BRWD1: variants seen among roughly 807,000 people sequenced by gnomAD.
BRWD1 encodes bromodomain and WD repeat domain containing 1, also known as bromodomain and WD repeat-containing protein 1.
Under a neutral mutation model 251.2 loss-of-function variants are expected in BRWD1, and 82 were observed. That is an observed-to-expected ratio of 0.33 (90% CI 0.27 to 0.39). BRWD1 has a LOEUF of 0.39. Ranked by LOEUF, BRWD1 falls within the 10% of genes least tolerant of loss-of-function variation. BRWD1 has a pLI of 1.00. For synonymous variants in BRWD1, 918 were observed against 902.8 expected (o/e 1.02, Z -0.30); for missense variants, 2,233 against 2,711.6 (o/e 0.82, Z 3.92).
At chr21:39,229,544 C>G (rs1191444998) in intron 25 of BRWD1, 108 bp from the exon 26 acceptor site, 4 of 1,055,778 alleles carry the variant, frequency 3.8e-6, no homozygotes, top group Non-Finnish European at 5.5e-6. Flanking sequence ...CTTCCAAACC[C>G]GCAGACAAGT....
At chr21:39,249,841 A>G (rs1338073215) in intron 20 of BRWD1, among the ~76,000 whole-genome samples, 1 of 152,100 alleles carries the variant, frequency 6.6e-6, no homozygotes, top group African/African-American at 2.4e-5. Flanking sequence ...ATTTTTTAAC[A>G]AATCTGTTTA....
rs1568840030 is a variant in BRWD1 at position 39,185,964 on chromosome 21, C to T, written c.*10295G>A. ...CAAATTAAATCCTATTGTAAATACA[C>T]TTCTTTGTTATACCACGACCAAATT... is the stretch of plus-strand genomic sequence containing the variant. On this transcript the variant is annotated 3_prime_UTR_variant, in exon 41 of 41. Coordinates refer to ENST00000342449, the MANE Select transcript of BRWD1 (RefSeq NM_033656.4). 1.3e-5 allele frequency: 2 copies of T among 152,126 alleles called. No individual in the cohort carries two copies. Among genetic ancestry groups the T allele is most frequent in the African/African-American group, 4.8e-5 (2 of 41,430 alleles). 9.4% of individuals were successfully genotyped at this position (152,126 alleles called of 1,614,324 possible). A position where few individuals can be genotyped will look rare whatever the true frequency, so the allele number is the denominator to read the frequency against.
At chr21:39,184,224 T>G (rs952457258), downstream of BRWD1, 6 of 152,192 alleles carry the variant, frequency 3.9e-5, no homozygotes, top group Non-Finnish European at 8.8e-5. Context: ...AATTCACATT[T>G]CAAAAGCTGA....
intron 21 of BRWD1, among the ~76,000 whole-genome samples, chr21:39,246,991 T>C (rs750150609): frequency 2.6e-4 from 40 of 151,482 alleles, no homozygotes; most frequent in Non-Finnish European, 5.1e-4. Flanking sequence ...GGCAGAAGAA[T>C]CGCTTGAACC....
intron 40 of BRWD1, 62 bp downstream of exon 40, chr21:39,198,701 G>T: frequency 7.1e-7 from 1 of 1,416,902 alleles, no homozygotes; most frequent in Non-Finnish European, 9.5e-7. Context: ...AAAAACCAAT[G>T]TGTGTAAGAG....
At chr21:39,274,691 C>G (rs1257028513) in intron 12 of BRWD1, among the ~76,000 whole-genome samples, 1 of 152,180 alleles carries the variant, frequency 6.6e-6, no homozygotes, top group Non-Finnish European at 1.5e-5. Flanking sequence ...AAACACACCT[C>G]AAACTCAATC....
chr21:39,295,186 T>G (rs924980435), intron 7 of BRWD1, among the ~76,000 whole-genome samples: 199 of 129,630 alleles, frequency 1.5e-3, no homozygotes, highest in African/African-American at 4.1e-3. Flanking sequence ...TTTTTTTTTT[T>G]TTTTTTTTTT....
chr21:39,279,308 T>C (rs537247469), intron 9 of BRWD1, among the ~76,000 whole-genome samples: 92 of 152,340 alleles, frequency 6.0e-4, no homozygotes, highest in Non-Finnish European at 8.8e-4. Context: ...CCAAAACTCA[T>C]TGAAAATTTC....
chr21:39,236,740 A>T lies in BRWD1; in HGVS notation c.2621T>A (p.Ile874Asn). The part of the protein sequence containing the change: ...RYSDWTADAG[I>N]NLQPPLRTSC... ...TGTTCTTAAAGGAGGCTGCAAATTG[A>T]TGCCCGCATCAGCTGTCCAATCGGA... Residue 874 changes from isoleucine (I) to asparagine (N), a missense_variant, in exon 23 of 41, where the codon ATC becomes AAC. By Grantham distance (149) the Ile-to-Asn change is moderately radical (BLOSUM62 -3). Transcript: ENST00000342449. 1 of 1,614,114 alleles carries T rather than the reference A, an allele frequency of 6.2e-7. No individual in the cohort carries two copies. The highest frequency in any genetic ancestry group is 8.5e-7 in the Non-Finnish European group (1 of 1,180,012).
intron 7 of BRWD1, among the ~76,000 whole-genome samples, chr21:39,294,483 T>TCG (rs1156680439): frequency 2.4e-4 from 5 of 20,704 alleles, no homozygotes; most frequent in African/African-American, 2.0e-3. Context: ...CAGTGAAACC[T>TCG]TTCTACTAAA....
chr21:39,294,028 G>C lies in BRWD1; in HGVS notation c.614C>G (p.Ser205Ter). ...CCAAATCTTTACCAAACAGTCATCT[G>C]AACCCTAAGAAAAAATATATCCAAA... ...DRTGHRIFTG[S>*]DDCLVKIWST... The change falls in exon 8 of 41, where the codon TCA becomes TGA. Residue 205 changes from serine (S) to a stop codon, truncating the protein, a stop_gained. Coordinates refer to ENST00000342449, the MANE Select transcript of BRWD1 (RefSeq NM_033656.4). LOFTEE classifies it high-confidence loss of function. 1 of 1,611,084 alleles carries C rather than the reference G, an allele frequency of 6.2e-7. No individual in the cohort carries two copies. The highest frequency in any genetic ancestry group is 8.5e-7 in the Non-Finnish European group (1 of 1,178,190).
rs1467506592 is a variant in BRWD1, at chr21:39,194,665, C to T, written c.*1594G>A. 6.5e-7 allele frequency: 1 copy of T among 1,533,614 alleles called. No homozygotes were observed. Among genetic ancestry groups the T allele is most frequent in the African/African-American group, 1.4e-5 (1 of 72,902 alleles). The stretch of plus-strand genomic sequence containing the variant: ...GGAATAGATAACTACAAAATAGGAA[C>T]ACTTCAGAACATTCTCTAACATTAA... On this transcript the variant is annotated 3_prime_UTR_variant, in exon 41 of 41. Coordinates refer to ENST00000342449, the MANE Select transcript of BRWD1 (RefSeq NM_033656.4).
At chr21:39,309,249 G>A (rs1011777054) in intron 4 of BRWD1, among the ~76,000 whole-genome samples, 4 of 151,052 alleles carry the variant, frequency 2.6e-5, no homozygotes, top group African/African-American at 4.9e-5. Context: ...GAGCATTTGA[G>A]ACCAGCCTGG....
intron 29 of BRWD1, chr21:39,219,900 CAG>C (rs1409483866): frequency 6.6e-6 from 1 of 152,110 alleles, no homozygotes. Context: ...GGGAAGAGGG[CAG>C]AGACATCCCA....
intron 19 of BRWD1, among the ~76,000 whole-genome samples, chr21:39,253,393 C>T (rs182835247): frequency 1.0e-3 from 157 of 151,730 alleles, no homozygotes; most frequent in African/African-American, 3.4e-3. Context: ...ACTATTCCAG[C>T]CTTAGATTAT....
chr21:39,242,937 G>A (rs997348140), intron 21 of BRWD1, among the ~76,000 whole-genome samples: 1 of 152,162 alleles, frequency 6.6e-6, no homozygotes, highest in Admixed American at 6.5e-5. Context: ...TACTGCTTGT[G>A]GACAATAGAC....
At chr21:39,204,726 A>G (rs776258321) in intron 37 of BRWD1, among the ~76,000 whole-genome samples, 2 of 152,214 alleles carry the variant, frequency 1.3e-5, no homozygotes, top group Non-Finnish European at 2.9e-5. Flanking sequence ...GAGTGGGCAG[A>G]GTTCAAGACA....
At position 39,189,612 on chromosome 21, in the gene BRWD1, T is replaced by G; in HGVS notation, c.*6647A>C. 1 of 982,598 alleles carries G rather than the reference T, an allele frequency of 1.0e-6. No individual in the cohort carries two copies. Among genetic ancestry groups the G allele is most frequent in the Non-Finnish European group, 1.2e-6 (1 of 827,396 alleles). 60.9% of individuals were successfully genotyped at this position (982,598 alleles called of 1,614,324 possible). ...TTGATAAAGCTGAATCTCTTAAGTC[T>G]TAGACAATAAAACAGGAATTTCAGA... On this transcript the variant is annotated 3_prime_UTR_variant, in exon 41 of 41. Transcript: ENST00000342449.
At chr21:39,232,051 G>T in intron 25 of BRWD1, 126 bp downstream of exon 25, 1 of 901,618 alleles carries the variant, frequency 1.1e-6, no homozygotes, top group Non-Finnish European at 1.7e-6. Context: ...GGTTACAGCA[G>T]AAATGTTATC....
Sources: gnomAD v4.1 joint callset for allele counts (sites outside exome capture counted in the v4.1 genomes callset) on GRCh38, gnomAD v4.1.1 for gene constraint, MANE v1.5 for transcripts, NCBI Gene and HGNC (gene_info 2026-07-23, HGNC 2026-07-21) for gene names.